RBFOX3: variants seen among roughly 807,000 people sequenced by gnomAD.
RBFOX3 encodes the protein RNA binding protein fox-1 homolog 3.
A neutral mutation model predicts 48.7 loss-of-function variants in RBFOX3; 17 were observed. The observed-to-expected ratio is 0.35, with a 90% CI of 0.24 to 0.52. The LOEUF (loss-of-function observed/expected upper bound fraction) is 0.52, where lower values mean the gene tolerates loss of function less well. Among genes scored for constraint, RBFOX3 ranks in the 20% least tolerant of loss-of-function variants. RBFOX3 has a pLI of 0.94. For missense variants in RBFOX3, 382 were observed against 497.5 expected, an observed-to-expected ratio of 0.77 and a Z score of 2.21; for synonymous variants, 212 against 209.5, an observed-to-expected ratio of 1.01 and a Z score of -0.10.
chr17:79,657,121 C>G, the RBFOX3 span, among the ~76,000 whole-genome samples: 1 of 152,066 alleles, frequency 6.6e-6, no homozygotes, highest in African/African-American at 2.4e-5. Flanking sequence ...GGCTCCCCCA[C>G]TGCACCCTGG....
At chr17:79,270,834 A>G (rs59282652) in intron 3 of RBFOX3, among the ~76,000 whole-genome samples, 5,221 of 152,366 alleles carry the variant, frequency 0.034, 284 homozygotes, top group African/African-American at 0.12. Context: ...AATACCTTGC[A>G]CAGAGCATGT....
chr17:79,219,248 G>A (rs1259401746), intron 4 of RBFOX3, among the ~76,000 whole-genome samples: 9 of 152,206 alleles, frequency 5.9e-5, no homozygotes. Context: ...AGTGTTCCTG[G>A]GCTGAGGCTG....
chr17:79,559,767 G>A (rs2092076185), intron 1 of RBFOX3, among the ~76,000 whole-genome samples: 15 of 150,032 alleles, frequency 1.0e-4, no homozygotes, highest in Admixed American at 1.0e-3. Context: ...ATGGGTGGAT[G>A]GTGAATAGTG....
chr17:79,174,371 GCA>G (rs910155621), intron 4 of RBFOX3, among the ~76,000 whole-genome samples: 60 of 145,718 alleles, frequency 4.1e-4, no homozygotes, highest in Non-Finnish European at 6.2e-4. Context: ...AGACACATGC[GCA>G]CACACACACA....
At chr17:79,117,621 C>T (rs1388787112) in intron 4 of RBFOX3, among the ~76,000 whole-genome samples, 1 of 152,212 alleles carries the variant, frequency 6.6e-6, no homozygotes, top group Non-Finnish European at 1.5e-5. Context: ...CCCTCATGTG[C>T]CCATGCTCCC....
intron 1 of RBFOX3, among the ~76,000 whole-genome samples, chr17:79,564,935 G>A (rs1599169776): frequency 6.6e-6 from 1 of 151,926 alleles, no homozygotes; most frequent in East Asian, 1.9e-4. Context: ...CAGCTATTCA[G>A]GGAGCTGAGG....
chr17:79,507,769 G>A (rs2083385478), intron 1 of RBFOX3, among the ~76,000 whole-genome samples: 1 of 152,120 alleles, frequency 6.6e-6, no homozygotes, highest in African/African-American at 2.4e-5. Flanking sequence ...CACCCCAAAG[G>A]GAGAGTCTCC....
At chr17:79,260,768 C>A (rs564750093) in intron 3 of RBFOX3, among the ~76,000 whole-genome samples, 1 of 152,182 alleles carries the variant, frequency 6.6e-6, no homozygotes, top group Non-Finnish European at 1.5e-5. Context: ...CTGTAAAGTG[C>A]GAGAAAATGG....
chr17:79,615,671 T>C (rs2093990953), upstream of RBFOX3, among the ~76,000 whole-genome samples: 2 of 152,158 alleles, frequency 1.3e-5, no homozygotes, highest in Non-Finnish European at 1.5e-5. Flanking sequence ...CACTGCCACC[T>C]GTGTAAGCTG....
At chr17:79,231,705 A>G (rs992699154) in intron 4 of RBFOX3, among the ~76,000 whole-genome samples, 6 of 152,256 alleles carry the variant, frequency 3.9e-5, no homozygotes, top group African/African-American at 1.2e-4. Context: ...GCATTAAAAT[A>G]TGAATGACAT....
chr17:79,347,127 G>C lies in RBFOX3; in HGVS notation c.-174-39303C>G, dbSNP rs74926595. Among the ~76,000 whole-genome samples, 378 of 152,276 alleles carry C rather than the reference G, an allele frequency of 2.5e-3. 1 individual carries two copies. Among genetic ancestry groups the C allele is most frequent in the African/African-American group, 8.7e-3 (360 of 41,556 alleles). ...AATGACAATTTGGCTGCATGTAAAA[G>C]TCTATGTTCTATGTTCTTTTATTCT... is the stretch of plus-strand genomic sequence containing the variant. On this transcript the variant is annotated intron_variant, in intron 2 of 14. Transcript: ENST00000693108.
chr17:79,296,212 C>A (rs2074307828), intron 3 of RBFOX3, among the ~76,000 whole-genome samples: 1 of 151,952 alleles, frequency 6.6e-6, no homozygotes, highest in African/African-American at 2.4e-5. Context: ...TACAAAAGAA[C>A]TTTTTAAAAA....
intron 2 of RBFOX3, among the ~76,000 whole-genome samples, chr17:79,348,856 A>G (rs368955410): frequency 1.3e-5 from 2 of 151,894 alleles, no homozygotes; most frequent in South Asian, 4.2e-4. Flanking sequence ...TATTACAGAC[A>G]TGAGCCACCA....
chr17:79,643,168 A>G, the RBFOX3 span, among the ~76,000 whole-genome samples: 1 of 152,246 alleles, frequency 6.6e-6, no homozygotes, highest in African/African-American at 2.4e-5. Flanking sequence ...GATGGGTTAC[A>G]TTAATGAAAA....
intron 1 of RBFOX3, among the ~76,000 whole-genome samples, chr17:79,591,359 T>A (rs900472728): frequency 0.99 from 150,700 of 152,268 alleles, 74,584 homozygotes; most frequent in African/African-American, 1. Context: ...CCACTCTAGA[T>A]TTCCTGGGGA....
At chr17:79,555,245 G>A (rs973503978) in intron 1 of RBFOX3, among the ~76,000 whole-genome samples, 30 of 151,558 alleles carry the variant, frequency 2.0e-4, no homozygotes, top group African/African-American at 6.9e-4. Flanking sequence ...GTAAGCACTC[G>A]GGAAGTGGTG....
At chr17:79,533,062 G>A (rs1159388326) in intron 1 of RBFOX3, among the ~76,000 whole-genome samples, 1 of 152,232 alleles carries the variant, frequency 6.6e-6, no homozygotes, top group East Asian at 1.9e-4. Flanking sequence ...CTTGACTCCC[G>A]TGATTCCTTT....
At chr17:79,495,326 T>G (rs1363896451) in intron 1 of RBFOX3, among the ~76,000 whole-genome samples, 7 of 1,290 alleles carry the variant, frequency 5.4e-3, no homozygotes, top group Non-Finnish European at 6.6e-3. Context: ...GGCGGGGAGT[T>G]GGGGGGTGCA....
intron 2 of RBFOX3, among the ~76,000 whole-genome samples, chr17:79,344,042 A>G (rs2082496768): frequency 6.6e-6 from 1 of 152,182 alleles, no homozygotes; most frequent in Non-Finnish European, 1.5e-5. Context: ...GACAAGGACA[A>G]ACACTTATAT....
Sources: gnomAD v4.1 joint callset for allele counts (sites outside exome capture counted in the v4.1 genomes callset) on GRCh38, gnomAD v4.1.1 for gene constraint, MANE v1.5 for transcripts, NCBI Gene and HGNC (gene_info 2026-07-23, HGNC 2026-07-21) for gene names.